The following ATP6V1C2 variants were observed in gnomAD, a reference collection of about 807,000 sequenced individuals.
ATP6V1C2 encodes the protein ATPase H+ transporting V1 subunit C2.
A neutral mutation model predicts 56.8 loss-of-function variants in ATP6V1C2; 45 were observed. The ratio of observed to expected loss-of-function variants is 0.79; its 90% CI spans 0.62 to 1.02. ATP6V1C2 has a LOEUF of 1.02. Among genes scored for constraint, ATP6V1C2 ranks in the 50% least tolerant of loss-of-function variants. ATP6V1C2 has a pLI of 0.00. For missense variants in ATP6V1C2, 463 were observed against 519.7 expected, an observed-to-expected ratio of 0.89 and a Z score of 1.06; for synonymous variants, 220 against 201.3, an observed-to-expected ratio of 1.09 and a Z score of -0.79.
intron 3 of ATP6V1C2, among the ~76,000 whole-genome samples, chr2:10,740,496 C>T (rs983889814): frequency 6.6e-6 from 1 of 152,106 alleles, no homozygotes; most frequent in African/African-American, 2.4e-5. Context: ...TTCTCAGTGG[C>T]TAAGCTGCTT....
At chr2:10,769,376 G>A (rs1351545964) in intron 6 of ATP6V1C2, among the ~76,000 whole-genome samples, 1 of 152,212 alleles carries the variant, frequency 6.6e-6, no homozygotes, top group African/African-American at 2.4e-5. Context: ...TGTCTTGTGA[G>A]GTGTAGTGAG....
At chr2:10,758,468 T>G (rs1663682985) in intron 4 of ATP6V1C2, among the ~76,000 whole-genome samples, 1 of 152,034 alleles carries the variant, frequency 6.6e-6, no homozygotes, top group Non-Finnish European at 1.5e-5. Context: ...TTCTGAAGCC[T>G]GGAGGCTGTA....
chr2:10,732,713 C>T (rs894135860), intron 3 of ATP6V1C2, among the ~76,000 whole-genome samples: 1 of 151,894 alleles, frequency 6.6e-6, no homozygotes, highest in Non-Finnish European at 1.5e-5. Flanking sequence ...TGGCTCACGC[C>T]TGTAATCCCA....
intron 3 of ATP6V1C2, among the ~76,000 whole-genome samples, chr2:10,741,589 C>G (rs1460736093): frequency 6.6e-6 from 1 of 152,086 alleles, no homozygotes; most frequent in Non-Finnish European, 1.5e-5. Context: ...TTGGGTTATC[C>G]AGAGCGGGCA....
chr2:10,743,165 G>A (rs908837707), intron 3 of ATP6V1C2, among the ~76,000 whole-genome samples: 3 of 152,086 alleles, frequency 2.0e-5, no homozygotes, highest in African/African-American at 7.2e-5. Context: ...TGCCCAGGCT[G>A]GACTGCAGTG....
At chr2:10,781,842 G>C (rs1665376794) in intron 12 of ATP6V1C2, among the ~76,000 whole-genome samples, 1 of 152,192 alleles carries the variant, frequency 6.6e-6, no homozygotes, top group African/African-American at 2.4e-5. Flanking sequence ...CAAAAACTCA[G>C]CGAAAATAGT....
intron 13 of ATP6V1C2, 75 bp from the exon 14 acceptor site, chr2:10,783,099 G>A: frequency 8.5e-7 from 1 of 1,170,650 alleles, no homozygotes; most frequent in Non-Finnish European, 1.3e-6. Flanking sequence ...TGCCTGGCGA[G>A]CTTCCTCAAA....
In ATP6V1C2 at chr2:10,775,042, A is replaced by C. The variant is rs776735808; in HGVS notation, c.796A>C (p.Arg266=). ...TGAAAGGGAAAGGGAGGAGATGGCC[A>C]GATTGCTGTCTGATAAGAAGCAACA... ...EIEREREEMA[R]LLSDKKQQYQ... The change falls in exon 10 of 14, where the codon AGA becomes CGA. Residue 266 remains arginine, a synonymous_variant. Coordinates refer to ENST00000272238, the MANE Select transcript of ATP6V1C2 (RefSeq NM_001039362.2). 6.2e-7 allele frequency: 1 copy of C among 1,614,114 alleles called. No individual in the cohort carries two copies. The highest frequency in any genetic ancestry group is 8.5e-7 in the Non-Finnish European group (1 of 1,180,010).
intron 3 of ATP6V1C2, among the ~76,000 whole-genome samples, chr2:10,729,648 T>C (rs186328631): frequency 2.0e-5 from 3 of 152,096 alleles, no homozygotes; most frequent in African/African-American, 7.2e-5. Flanking sequence ...TTGAGCCCAA[T>C]AGTTTGAGAA....
At position 10,780,297 on chromosome 2, in the gene ATP6V1C2, G is replaced by A. The variant is rs922526844; in HGVS notation, c.1061+1628G>A. Among the ~76,000 whole-genome samples, 4 of 152,094 alleles carry A rather than the reference G, an allele frequency of 2.6e-5. No homozygotes were observed. Among genetic ancestry groups the A allele is most frequent in the East Asian group, 3.8e-4 (2 of 5,200 alleles). On this transcript the variant is annotated intron_variant, in intron 12 of 13. Coordinates refer to ENST00000272238, the MANE Select transcript of ATP6V1C2 (RefSeq NM_001039362.2). This position sits in a 1 kb window ranked among gnomAD's most constrained non-coding sequence, Gnocchi z 4.1. Reference sequence around the variant, plus strand: ...CAGTTTAGACACCCCTGACAGGCCCGGTCCACTCCGCCTTTGCACTCTCTC... The same window carrying A: ...CAGTTTAGACACCCCTGACAGGCCCAGTCCACTCCGCCTTTGCACTCTCTC...
intron 3 of ATP6V1C2, among the ~76,000 whole-genome samples, chr2:10,747,091 A>G (rs1273783910): frequency 6.6e-6 from 1 of 152,160 alleles, no homozygotes; most frequent in Non-Finnish European, 1.5e-5. Context: ...CAACATGAAG[A>G]AACCCCGCCT....
At chr2:10,758,958 C>T (rs1370811418) in intron 4 of ATP6V1C2, among the ~76,000 whole-genome samples, 1 of 152,214 alleles carries the variant, frequency 6.6e-6, no homozygotes, top group Non-Finnish European at 1.5e-5. Flanking sequence ...TGAGCCACCG[C>T]GCCGGCCGAG....
chr2:10,784,022 T>C lies in ATP6V1C2; in HGVS notation c.*759T>C, dbSNP rs954319651. 2.9e-6 allele frequency: 1 copy of C among 347,000 alleles called. No homozygotes were observed. Among genetic ancestry groups the C allele is most frequent in the Non-Finnish European group, 5.2e-6 (1 of 193,454 alleles). The allele number at this position is 347,000 out of a possible 1,614,324, so 21.5% of individuals were successfully genotyped here. Reference sequence around the variant, plus strand: ...CGACAGCCAAGTTTTCTTCAAAATATTATGTGACAGAATACGACTCAATTC... The same window carrying C: ...CGACAGCCAAGTTTTCTTCAAAATACTATGTGACAGAATACGACTCAATTC... On this transcript the variant is annotated 3_prime_UTR_variant, in exon 14 of 14. Transcript: ENST00000272238.
chr2:10,757,287 A>G (rs1044391790), intron 4 of ATP6V1C2: 23 of 377,388 alleles, frequency 6.1e-5, no homozygotes, highest in Non-Finnish European at 1.0e-4. Context: ...TGCTAGGATT[A>G]CAGGCGTGAG....
intron 5 of ATP6V1C2, among the ~76,000 whole-genome samples, chr2:10,764,687 G>A (rs1387813717): frequency 6.6e-6 from 1 of 152,200 alleles, no homozygotes; most frequent in African/African-American, 2.4e-5. Context: ...AGTTACTGAT[G>A]GTGGCCGGGC....
chr2:10,778,533 G>T lies in ATP6V1C2; in HGVS notation c.964-39G>T, dbSNP rs1245207956. 5.0e-6 allele frequency: 8 copies of T among 1,588,434 alleles called. No individual in the cohort carries two copies. In the East Asian group the frequency reaches 1.6e-4, roughly 31 times the overall value. On this transcript the variant is annotated intron_variant, in intron 11 of 13. Coordinates refer to ENST00000272238, the MANE Select transcript of ATP6V1C2 (RefSeq NM_001039362.2). ...CTTTCTTGGCTCTGTGTCAGGCGGG[G>T]TGTTCAGCAGGGGTCACCTGGCTCT... is the stretch of plus-strand genomic sequence containing the variant.
chr2:10,752,892 A>C (rs548199754), intron 3 of ATP6V1C2, among the ~76,000 whole-genome samples: 4 of 152,192 alleles, frequency 2.6e-5, no homozygotes, highest in Non-Finnish European at 4.4e-5. Context: ...GCTACTTGGG[A>C]GGCTGAGGAG....
At chr2:10,745,137 G>A (rs1352942677) in intron 3 of ATP6V1C2, among the ~76,000 whole-genome samples, 5 of 131,882 alleles carry the variant, frequency 3.8e-5, no homozygotes, top group South Asian at 2.7e-4. Context: ...CTTGCCTCCC[G>A]GGTTCAAGCA....
At chr2:10,760,030 G>GT (rs34096158) in intron 4 of ATP6V1C2, among the ~76,000 whole-genome samples, 82,534 of 133,672 alleles carry the variant, frequency 0.62, 24,901 homozygotes, top group East Asian at 0.75. Context: ...TTTGTTTTTT[G>GT]TTTTTTTTTT....
Sources: gnomAD v4.1 joint callset for allele counts (sites outside exome capture counted in the v4.1 genomes callset) on GRCh38, gnomAD v4.1.1 for gene constraint, Gnocchi (gnomAD v3.1) non-coding constraint, MANE v1.5 for transcripts, NCBI Gene and HGNC (gene_info 2026-07-23, HGNC 2026-07-21) for gene names.